The following GFRA1 variants were observed in gnomAD, a reference collection of about 807,000 sequenced individuals.
GFRA1 encodes GDNF family receptor alpha-1.
In GFRA1, 16 loss-of-function variants were observed where a neutral mutation model predicts 51.6. The observed-to-expected ratio is 0.31, with a 90% confidence interval of 0.21 to 0.47. The LOEUF is 0.47. Ranked by LOEUF, GFRA1 falls within the 20% of genes least tolerant of loss-of-function variation. The pLI, the probability that GFRA1 is intolerant of heterozygous loss-of-function variation, is 1.00. For synonymous variants in GFRA1, 270 were observed against 241.3 expected (o/e 1.12, Z -1.10); for missense variants, 530 against 594.3 (o/e 0.89, Z 1.13).
At chr10:116,221,832 T>C (rs1245669175) in intron 4 of GFRA1, among the ~76,000 whole-genome samples, 1 of 152,222 alleles carries the variant, frequency 6.6e-6, no homozygotes, top group African/African-American at 2.4e-5. Flanking sequence ...TTGCAGAGAC[T>C]GCCTAGATAC....
At chr10:116,105,631 C>A (rs1271192063) in intron 6 of GFRA1, among the ~76,000 whole-genome samples, 1 of 152,096 alleles carries the variant, frequency 6.6e-6, no homozygotes, top group Non-Finnish European at 1.5e-5. Context: ...AATTGGGGAC[C>A]ACAGAAAGGT....
intron 5 of GFRA1, among the ~76,000 whole-genome samples, chr10:116,158,945 T>C (rs1014442969): frequency 1.3e-5 from 2 of 152,216 alleles, no homozygotes; most frequent in Non-Finnish European, 2.9e-5. Flanking sequence ...ACTGGACCCC[T>C]GGTTCTCACC....
chr10:116,100,283 C>T (rs1255233245), intron 6 of GFRA1, among the ~76,000 whole-genome samples: 1 of 152,204 alleles, frequency 6.6e-6, no homozygotes, highest in East Asian at 1.9e-4. Context: ...ATTGGATTCT[C>T]ACAACAACCT....
At chr10:116,080,890 A>C (rs56066322) in intron 9 of GFRA1, among the ~76,000 whole-genome samples, 11,797 of 152,196 alleles carry the variant, frequency 0.078, 450 homozygotes, top group Middle Eastern at 0.11. Flanking sequence ...TAAAACTCTA[A>C]CAAAACTTTG....
chr10:116,116,550 G>A (rs1180791901), intron 6 of GFRA1, among the ~76,000 whole-genome samples: 2 of 152,214 alleles, frequency 1.3e-5, no homozygotes, highest in African/African-American at 2.4e-5. Flanking sequence ...CTGGGAGGGG[G>A]TGCACCACCC....
At chr10:116,189,090 TAA>T (rs137887314) in intron 5 of GFRA1, among the ~76,000 whole-genome samples, 54 of 112,098 alleles carry the variant, frequency 4.8e-4, no homozygotes, top group Middle Eastern at 4.3e-3. Flanking sequence ...CCTTGTCTCT[TAA>T]AAAAAAAAAA....
intron 6 of GFRA1, among the ~76,000 whole-genome samples, chr10:116,117,501 C>G (rs1251931099): frequency 9.0e-6 from 1 of 111,594 alleles, no homozygotes; most frequent in Non-Finnish European, 1.8e-5. Context: ...GGTTGTTATT[C>G]CTGGCACAGT....
chr10:116,156,398 A>G (rs1279395072), intron 5 of GFRA1, among the ~76,000 whole-genome samples: 1 of 151,944 alleles, frequency 6.6e-6, no homozygotes, highest in African/African-American at 2.4e-5. Context: ...CAGGGCACAA[A>G]TGATATTTAC....
At chr10:116,131,993 G>T (rs974441639) in intron 5 of GFRA1, among the ~76,000 whole-genome samples, 1 of 151,408 alleles carries the variant, frequency 6.6e-6, no homozygotes, top group Non-Finnish European at 1.5e-5. Flanking sequence ...GATTGCTTGA[G>T]ACCAGAAGAT....
intron 9 of GFRA1, among the ~76,000 whole-genome samples, chr10:116,066,982 T>A (rs966586874): frequency 1.3e-5 from 2 of 152,238 alleles, no homozygotes; most frequent in African/African-American, 4.8e-5. Flanking sequence ...TTGACCATAA[T>A]GCTACTTGGG....
rs142688672 is a variant in GFRA1, at chr10:116,260,177, T to A, written c.418+9326A>T. 9.4e-3 allele frequency among the ~76,000 whole-genome samples: 1,429 copies of A among 152,242 alleles called. 16 individuals carry two copies. The highest frequency in any genetic ancestry group is 0.032 in the African/African-American group (1,331 of 41,542). On this transcript the variant is annotated intron_variant, in intron 4 of 10. Transcript: ENST00000355422. ...GGACCCTTGGCTAATTTAGTAGGAG[T>A]AAATTGCAATTGATTTTCGAAGAAA...
intron 5 of GFRA1, among the ~76,000 whole-genome samples, chr10:116,189,094 A>C (rs896341254): frequency 4.0e-5 from 6 of 150,340 alleles, no homozygotes; most frequent in Non-Finnish European, 7.4e-5. Context: ...GTCTCTTAAA[A>C]AAAAAAAAAA....
intron 9 of GFRA1, among the ~76,000 whole-genome samples, chr10:116,076,279 C>T (rs748582387): frequency 6.6e-6 from 1 of 152,126 alleles, no homozygotes; most frequent in Non-Finnish European, 1.5e-5. Flanking sequence ...CCAGCTGTGG[C>T]ATCTTTGCTG....
intron 6 of GFRA1, among the ~76,000 whole-genome samples, chr10:116,097,095 C>T (rs909451369): frequency 6.6e-6 from 1 of 152,100 alleles, no homozygotes; most frequent in Non-Finnish European, 1.5e-5. Context: ...TCTGACTAGA[C>T]TTATTTGCAT....
rs187141245 is a variant in GFRA1 at position 116,215,363 on chromosome 10, T to C, written c.419-3718A>G. On this transcript the variant is annotated intron_variant, in intron 4 of 10. Coordinates refer to ENST00000355422, the MANE Select transcript of GFRA1 (RefSeq NM_005264.8). ...ATATTCCTACCATTCGCTACCCTGG[T>C]GTTCCTGTCCGCCACCTCCATCTCC... is the stretch of plus-strand genomic sequence containing the variant. Among the ~76,000 whole-genome samples the C allele has an allele frequency of 2.7e-3, 418 of 152,310 alleles. 1 individual carries two copies. The highest frequency in any genetic ancestry group is 4.5e-3 in the Non-Finnish European group (304 of 68,026).
At chr10:116,260,181 T>C (rs1026818101) in intron 4 of GFRA1, among the ~76,000 whole-genome samples, 5 of 152,188 alleles carry the variant, frequency 3.3e-5, no homozygotes, top group African/African-American at 1.2e-4. Context: ...TAGGAGTAAA[T>C]TGCAATTGAT....
intron 5 of GFRA1, among the ~76,000 whole-genome samples, chr10:116,173,212 G>A (rs1023211362): frequency 2.0e-5 from 3 of 152,166 alleles, no homozygotes; most frequent in South Asian, 2.1e-4. Flanking sequence ...CTGAGCAGCC[G>A]TGGAGACTGG....
At position 116,064,250 on chromosome 10, in the gene GFRA1, TAA is replaced by T; in HGVS notation, c.*146_*147del. 1 of 711,668 alleles carries T rather than the reference TAA, an allele frequency of 1.4e-6. No homozygotes were observed. 44.1% of individuals were successfully genotyped at this position (711,668 alleles called of 1,614,324 possible). A position where few individuals can be genotyped will look rare whatever the true frequency, so the allele number is the denominator to read the frequency against. ...CCCAAAGGATCACAAGAAGCTTTCT[TAA>T]AAGGAAAAAAAAAAAATGTTCCAGT... is the stretch of plus-strand genomic sequence containing the variant. On this transcript the variant is annotated 3_prime_UTR_variant, in exon 11 of 11. Transcript: ENST00000355422.
At chr10:116,172,094 G>C (rs776387991) in intron 5 of GFRA1, among the ~76,000 whole-genome samples, 16 of 152,192 alleles carry the variant, frequency 1.1e-4, no homozygotes, top group Non-Finnish European at 1.8e-4. Flanking sequence ...CTCTTCAGAA[G>C]ATGAGACCCG....
Sources: gnomAD v4.1 joint callset for allele counts (sites outside exome capture counted in the v4.1 genomes callset) on GRCh38, gnomAD v4.1.1 for gene constraint, MANE v1.5 for transcripts, NCBI Gene and HGNC (gene_info 2026-07-23, HGNC 2026-07-21) for gene names.